MYO1B: variants seen among roughly 807,000 people sequenced by gnomAD.
MYO1B encodes the protein myosin IB.
A neutral mutation model predicts 159.7 loss-of-function variants in MYO1B; 72 were observed. That is an observed-to-expected ratio of 0.45 (90% CI 0.37 to 0.55). MYO1B has a LOEUF of 0.55. Among genes scored for constraint, MYO1B ranks in the 20% least tolerant of loss-of-function variants. The probability of loss-of-function intolerance (pLI) is 0.00; values close to 1 mark genes in which losing one functional copy is unlikely to be tolerated. For synonymous variants in MYO1B, 468 were observed against 473.8 expected (o/e 0.99, Z 0.16); for missense variants, 1,062 against 1,364.8 (o/e 0.78, Z 3.50).
At chr2:191,253,204 T>C (rs1017926309) in intron 1 of MYO1B, among the ~76,000 whole-genome samples, 5 of 152,226 alleles carry the variant, frequency 3.3e-5, no homozygotes, top group African/African-American at 1.2e-4. Context: ...CATTTGTGAC[T>C]GTGTACTGTG....
At chr2:191,376,873 T>G (rs369762541) in intron 13 of MYO1B, among the ~76,000 whole-genome samples, 2 of 152,210 alleles carry the variant, frequency 1.3e-5, no homozygotes, top group South Asian at 2.1e-4. Flanking sequence ...CCTTAAAGAG[T>G]ATAAAATATC....
chr2:191,335,092 C>T (rs1399648432), intron 4 of MYO1B, among the ~76,000 whole-genome samples: 2 of 152,132 alleles, frequency 1.3e-5, no homozygotes, highest in Non-Finnish European at 2.9e-5. Flanking sequence ...CTGTGATGAA[C>T]TATCGTCTTG....
At chr2:191,341,320 T>A in intron 4 of MYO1B, 141 bp from the exon 5 acceptor site, 1 of 579,922 alleles carries the variant, frequency 1.7e-6, no homozygotes. Flanking sequence ...TTTAGAAAGG[T>A]ATCCAAAACA....
intron 11 of MYO1B, among the ~76,000 whole-genome samples, chr2:191,368,543 T>C (rs764245921): frequency 1.3e-5 from 2 of 152,232 alleles, no homozygotes; most frequent in Non-Finnish European, 2.9e-5. Context: ...CTAAGAGTCA[T>C]AGAGATGCAT....
intron 9 of MYO1B, among the ~76,000 whole-genome samples, chr2:191,362,598 A>G (rs1693741935): frequency 6.6e-6 from 1 of 152,218 alleles, no homozygotes; most frequent in Non-Finnish European, 1.5e-5. Flanking sequence ...ACCATTTATC[A>G]TAAGGAGCTT....
Position 191,414,724 on chromosome 2 carries a change from A to T in MYO1B, c.3159+55A>T, listed in dbSNP as rs1453441017. The T allele has an allele frequency of 3.2e-6, 5 of 1,551,508 alleles. No individual in the cohort carries two copies. In the African/African-American group the frequency reaches 5.5e-5, roughly 17 times the overall value. On this transcript the variant is annotated intron_variant, in intron 29 of 30. Coordinates refer to ENST00000392318, the MANE Select transcript of MYO1B (RefSeq NM_001130158.3). ...TAATCTCTCAGCCATTGATTTAAAA[A>T]ATTTCCATATCTGATAATCCTATCG...
At chr2:191,286,484 C>T (rs1688381034) in intron 2 of MYO1B, among the ~76,000 whole-genome samples, 1 of 152,166 alleles carries the variant, frequency 6.6e-6, no homozygotes, top group Admixed American at 6.5e-5. Flanking sequence ...GAAGTAGATT[C>T]CTCATATTGG....
At chr2:191,383,391 C>T (rs772247346) in intron 15 of MYO1B, 49 bp downstream of exon 15, 2 of 1,234,042 alleles carry the variant, frequency 1.6e-6, no homozygotes, top group East Asian at 2.9e-5. Context: ...TCCTATAATT[C>T]ACCCTTATAA....
intron 4 of MYO1B, 104 bp downstream of exon 4, chr2:191,330,133 A>G: frequency 1.1e-6 from 1 of 882,810 alleles, no homozygotes; most frequent in Admixed American, 2.2e-5. Flanking sequence ...TCGCAGGGCC[A>G]CTGTGAGGGT....
chr2:191,412,493 C>T (rs1415886088), intron 27 of MYO1B, among the ~76,000 whole-genome samples: 1 of 152,204 alleles, frequency 6.6e-6, no homozygotes, highest in African/African-American at 2.4e-5. Flanking sequence ...TAGTGGCACA[C>T]TCACCCCACA....
chr2:191,313,778 C>T (rs893049520), intron 3 of MYO1B, among the ~76,000 whole-genome samples: 1 of 152,166 alleles, frequency 6.6e-6, no homozygotes, highest in Non-Finnish European at 1.5e-5. Context: ...CTCAGCCTCC[C>T]AAAGTGCTGA....
chr2:191,393,080 A>C lies in MYO1B; in HGVS notation c.2084A>C (p.Lys695Thr). Residue 695 changes from lysine (K) to threonine (T), a missense_variant, in exon 20 of 31, where the codon AAA becomes ACA. This residue lies in a region of MYO1B where 609 missense variants were observed against 744.4 expected (regional missense o/e 0.82). Transcript: ENST00000392318. ...IFIRNPRTLFKLEDLRKQRLE... is the reference protein window; with the variant it reads ...IFIRNPRTLFTLEDLRKQRLE... ...TCTATCATTTCTTATTAGTTATTCAAATTAGAAGACCTGAGGAAGCAACGC... is the reference window on the plus strand; with the variant it reads ...TCTATCATTTCTTATTAGTTATTCACATTAGAAGACCTGAGGAAGCAACGC... 1 of 1,613,410 alleles carries C rather than the reference A, an allele frequency of 6.2e-7. No individual in the cohort carries two copies. The highest frequency in any genetic ancestry group is 8.5e-7 in the Non-Finnish European group (1 of 1,179,652).
At chr2:191,347,649 T>TTATA (rs1692652525) in intron 6 of MYO1B, among the ~76,000 whole-genome samples, 1 of 152,228 alleles carries the variant, frequency 6.6e-6, no homozygotes, top group Admixed American at 6.5e-5. Context: ...AGAAATCCTA[T>TTATA]TATAACACGG....
chr2:191,312,010 C>T (rs1690030386), intron 3 of MYO1B, among the ~76,000 whole-genome samples: 2 of 152,196 alleles, frequency 1.3e-5, no homozygotes, highest in Non-Finnish European at 2.9e-5. Flanking sequence ...TTGTTAATGT[C>T]ATACTTTGTC....
intron 1 of MYO1B, among the ~76,000 whole-genome samples, chr2:191,273,280 G>A (rs544087096): frequency 7.9e-5 from 12 of 151,956 alleles, no homozygotes; most frequent in Admixed American, 2.0e-4. Context: ...TGCCACTACC[G>A]CCTGGCTAAT....
chr2:191,398,828 G>T (rs1280067549), intron 21 of MYO1B, among the ~76,000 whole-genome samples: 1 of 151,728 alleles, frequency 6.6e-6, no homozygotes, highest in Non-Finnish European at 1.5e-5. Flanking sequence ...ACGATGGGCG[G>T]CCAGGCAGAG....
chr2:191,373,386 T>TA (rs1349580163), intron 13 of MYO1B, among the ~76,000 whole-genome samples: 1 of 152,196 alleles, frequency 6.6e-6, no homozygotes, highest in East Asian at 1.9e-4. Context: ...AATGCTCTGT[T>TA]AGACAGTAGT....
At chr2:191,303,048 C>T (rs1689431324) in intron 3 of MYO1B, among the ~76,000 whole-genome samples, 1 of 152,156 alleles carries the variant, frequency 6.6e-6, no homozygotes, top group Non-Finnish European at 1.5e-5. Flanking sequence ...TTACTCCATT[C>T]AAGGTGAACC....
chr2:191,325,648 G>C (rs1171321407), intron 3 of MYO1B, among the ~76,000 whole-genome samples: 2 of 152,154 alleles, frequency 1.3e-5, no homozygotes, highest in Non-Finnish European at 2.9e-5. Context: ...CACTTGAGGT[G>C]AAACAAACCT....
Sources: allele counts gnomAD v4.1 joint callset (sites outside exome capture counted in the v4.1 genomes callset), GRCh38; gene constraint gnomAD v4.1.1; regional missense constraint gnomAD v4.1.1; transcripts MANE v1.5; gene names NCBI Gene and HGNC (gene_info 2026-07-23, HGNC 2026-07-21).